Variants in ZBTB7C observed in about 807,000 individuals in gnomAD.
ZBTB7C encodes zinc finger and BTB domain-containing protein 7C.
In ZBTB7C, 8 loss-of-function variants were observed where a neutral mutation model predicts 25.7. The observed-to-expected ratio is 0.31, with a 90% CI of 0.18 to 0.56. The LOEUF (loss-of-function observed/expected upper bound fraction) is 0.56. Among genes scored for constraint, ZBTB7C ranks in the 20% least tolerant of loss-of-function variants. The pLI is 0.91. For missense variants in ZBTB7C, 824 were observed against 855.2 expected (o/e 0.96, Z 0.46); for synonymous variants, 394 against 369.0 (o/e 1.07, Z -0.78).
upstream of ZBTB7C, among the ~76,000 whole-genome samples, chr18:48,411,716 T>C (rs2048384878): frequency 1.3e-5 from 2 of 152,184 alleles, no homozygotes; most frequent in African/African-American, 4.8e-5. Flanking sequence ...GGCATTTAGG[T>C]TGAGAAAAGA....
intron 2 of ZBTB7C, among the ~76,000 whole-genome samples, chr18:48,197,195 A>C (rs1330824751): frequency 6.6e-6 from 1 of 152,198 alleles, no homozygotes; most frequent in Non-Finnish European, 1.5e-5. Context: ...ATGCTGAGCT[A>C]GTCACAGAAA....
rs557585534 is a variant in ZBTB7C, at chr18:48,297,857, G to C, written c.-79+40317C>G. Reference sequence around the variant, plus strand: ...CAGGCTTTTTGCTGCCTCTGAGGTGGTCCTGTATGAAAATGTGTGCCTTCA... The same window carrying C: ...CAGGCTTTTTGCTGCCTCTGAGGTGCTCCTGTATGAAAATGTGTGCCTTCA... On this transcript the variant is annotated intron_variant, in intron 2 of 4. Transcript: ENST00000590800. Among the ~76,000 whole-genome samples the C allele has an allele frequency of 9.2e-5, 14 of 152,292 alleles. No homozygotes were observed. The Middle Eastern group carries it at 0.01, about 111-fold the overall frequency.
chr18:48,326,336 T>C (rs1425930436), intron 2 of ZBTB7C, among the ~76,000 whole-genome samples: 1 of 152,174 alleles, frequency 6.6e-6, no homozygotes, highest in African/African-American at 2.4e-5. Flanking sequence ...CCTCAAGTGA[T>C]CTGCCCGCCT....
chr18:48,302,620 G>A lies in ZBTB7C; in HGVS notation c.-79+35554C>T, dbSNP rs534199873. On this transcript the variant is annotated intron_variant, in intron 2 of 4. Coordinates refer to ENST00000590800, the MANE Select transcript of ZBTB7C (RefSeq NM_001318841.2). ...GCTAGCTAAGTCAGGCCGGATCGAC[G>A]TCCACGCTCTATGTGGTGCACCAGC... Among the ~76,000 whole-genome samples, 16 of 152,288 alleles carry A rather than the reference G, an allele frequency of 1.1e-4. No individual in the cohort carries two copies. In the South Asian group the frequency reaches 2.9e-3, roughly 28 times the overall value.
At chr18:48,374,501 C>A (rs1223750223) in intron 1 of ZBTB7C, among the ~76,000 whole-genome samples, 1 of 152,222 alleles carries the variant, frequency 6.6e-6, no homozygotes, top group Non-Finnish European at 1.5e-5. Flanking sequence ...TGGGGTCCCT[C>A]CCAGCACCAA....
At chr18:48,233,265 A>G (rs183911593) in intron 2 of ZBTB7C, among the ~76,000 whole-genome samples, 2 of 152,248 alleles carry the variant, frequency 1.3e-5, no homozygotes, top group African/African-American at 4.8e-5. Flanking sequence ...ACCTTCCTCC[A>G]TGAGATGACA....
chr18:48,187,640 C>T (rs1364096828), intron 2 of ZBTB7C, among the ~76,000 whole-genome samples: 3 of 151,874 alleles, frequency 2.0e-5, no homozygotes, highest in Non-Finnish European at 2.9e-5. Flanking sequence ...GGTGAAACCC[C>T]GTCTCTACTA....
At chr18:48,258,742 C>T (rs1163750535) in intron 2 of ZBTB7C, among the ~76,000 whole-genome samples, 3 of 152,134 alleles carry the variant, frequency 2.0e-5, no homozygotes, top group African/African-American at 7.2e-5. Context: ...ACTGCAACCT[C>T]CATCTCCCAG....
At chr18:48,138,356 C>T (rs1274354652) in intron 3 of ZBTB7C, among the ~76,000 whole-genome samples, 1 of 152,192 alleles carries the variant, frequency 6.6e-6, no homozygotes, top group South Asian at 2.1e-4. Flanking sequence ...CATTCCTTCT[C>T]GGGGTATGCC....
intron 2 of ZBTB7C, among the ~76,000 whole-genome samples, chr18:48,209,043 T>C (rs536249177): frequency 2.0e-5 from 3 of 152,318 alleles, no homozygotes; most frequent in African/African-American, 7.2e-5. Context: ...CTGTTGCCCA[T>C]AAGGCAAAAT....
At chr18:48,317,837 T>C (rs1262752023) in intron 2 of ZBTB7C, among the ~76,000 whole-genome samples, 1 of 152,194 alleles carries the variant, frequency 6.6e-6, no homozygotes, top group Non-Finnish European at 1.5e-5. Context: ...TCCCCAGATA[T>C]TCTGACCCTG....
intron 2 of ZBTB7C, among the ~76,000 whole-genome samples, chr18:48,253,132 G>A (rs1041475324): frequency 6.6e-6 from 1 of 152,058 alleles, no homozygotes; most frequent in Non-Finnish European, 1.5e-5. Flanking sequence ...GATTCACTCA[G>A]ATTTGTGTGG....
At chr18:48,206,070 T>C (rs1292670391) in intron 2 of ZBTB7C, among the ~76,000 whole-genome samples, 2 of 152,314 alleles carry the variant, frequency 1.3e-5, no homozygotes, top group East Asian at 3.9e-4. Context: ...TGTGTTTGTG[T>C]ATACATGTGT....
intron 3 of ZBTB7C, among the ~76,000 whole-genome samples, chr18:48,138,005 A>G (rs1286520973): frequency 6.6e-6 from 1 of 152,276 alleles, no homozygotes; most frequent in Non-Finnish European, 1.5e-5. Flanking sequence ...CCTGGAGGAA[A>G]TAACCATTTA....
intron 3 of ZBTB7C, among the ~76,000 whole-genome samples, chr18:48,093,702 A>C (rs2038508634): frequency 6.6e-6 from 1 of 152,204 alleles, no homozygotes; most frequent in Non-Finnish European, 1.5e-5. Flanking sequence ...GGTAAGTCAG[A>C]AAAGTCTTCA....
At chr18:48,245,088 G>GCGTATA (rs1555723381) in intron 2 of ZBTB7C, among the ~76,000 whole-genome samples, 1 of 43,632 alleles carries the variant, frequency 2.3e-5, no homozygotes, top group Non-Finnish European at 6.5e-5. Flanking sequence ...TAGTGTGTGT[G>GCGTATA]TGTGTATATA....
chr18:48,155,318 C>CTTTTTTTTTT (rs578058729), intron 3 of ZBTB7C, among the ~76,000 whole-genome samples: 2 of 78,006 alleles, frequency 2.6e-5, no homozygotes, highest in Admixed American at 1.8e-4. Flanking sequence ...CTGTAATATT[C>CTTTTTTTTTT]TTTTTTTTTT....
At chr18:48,233,250 C>T (rs1445695615) in intron 2 of ZBTB7C, among the ~76,000 whole-genome samples, 2 of 151,950 alleles carry the variant, frequency 1.3e-5, no homozygotes, top group South Asian at 2.1e-4. Flanking sequence ...CTCCCTTCAC[C>T]CCCCACCTTC....
intron 3 of ZBTB7C, among the ~76,000 whole-genome samples, chr18:48,132,791 G>C (rs530917667): frequency 6.6e-6 from 1 of 152,286 alleles, no homozygotes; most frequent in South Asian, 2.1e-4. Flanking sequence ...GGACCAACCT[G>C]TTGTCTCCAG....
Sources: gnomAD v4.1 joint callset for allele counts (sites outside exome capture counted in the v4.1 genomes callset) on GRCh38, gnomAD v4.1.1 for gene constraint, MANE v1.5 for transcripts, NCBI Gene and HGNC (gene_info 2026-07-23, HGNC 2026-07-21) for gene names.